Variants in ACER3 observed in about 807,000 individuals in gnomAD.
The protein encoded by ACER3 is alkaline ceramidase 3, also known as alkCDase 3.
In ACER3, 16 loss-of-function variants were observed where a neutral mutation model predicts 48.9. That is an observed-to-expected ratio of 0.33 (90% CI 0.22 to 0.50). The LOEUF is 0.50. ACER3 is among the 20% of genes least tolerant of loss of function. ACER3 has a pLI of 0.98. For synonymous variants in ACER3, 109 were observed against 107.8 expected (o/e 1.01, Z -0.07); for missense variants, 227 against 326.0 (o/e 0.70, Z 2.34).
intron 2 of ACER3, among the ~76,000 whole-genome samples, chr11:76,936,263 C>A (rs1947182396): frequency 6.6e-6 from 1 of 152,084 alleles, no homozygotes; most frequent in South Asian, 2.1e-4. Flanking sequence ...CAGAAATAGA[C>A]CCAAACCTAT....
At chr11:76,898,251 A>G (rs1163341680) in intron 1 of ACER3, among the ~76,000 whole-genome samples, 1 of 152,220 alleles carries the variant, frequency 6.6e-6, no homozygotes, top group African/African-American at 2.4e-5. Context: ...CAAAGACTCC[A>G]AAAAGGGTAC....
At chr11:76,862,904 A>G (rs777470384) in intron 1 of ACER3, among the ~76,000 whole-genome samples, 1 of 98,760 alleles carries the variant, frequency 1.0e-5, no homozygotes, top group African/African-American at 2.8e-5. Flanking sequence ...GGGTCTATGT[A>G]GGTAATAATG....
chr11:77,011,352 C>G (rs1565227481), intron 7 of ACER3: 1 of 985,322 alleles, frequency 1.0e-6, no homozygotes, highest in Non-Finnish European at 1.2e-6. Flanking sequence ...TTGAACTGCC[C>G]CTGAGAGCTG....
At chr11:76,999,846 A>G (rs570089465) in intron 7 of ACER3, among the ~76,000 whole-genome samples, 1 of 152,142 alleles carries the variant, frequency 6.6e-6, no homozygotes, top group Admixed American at 6.5e-5. Flanking sequence ...CCACAGTTTA[A>G]CCATTCATCT....
intron 2 of ACER3, among the ~76,000 whole-genome samples, chr11:76,945,585 C>A (rs2134947106): frequency 1.3e-5 from 2 of 152,216 alleles, no homozygotes; most frequent in Middle Eastern, 6.8e-3. Flanking sequence ...GTATTCATAC[C>A]CCACTGGTGG....
chr11:76,929,045 T>C (rs1056100290), intron 2 of ACER3, among the ~76,000 whole-genome samples: 1 of 152,148 alleles, frequency 6.6e-6, no homozygotes, highest in Non-Finnish European at 1.5e-5. Context: ...TATAAATTAC[T>C]TTGGGTAATA....
chr11:76,978,673 C>A, intron 4 of ACER3: 1 of 153,682 alleles, frequency 6.5e-6, no homozygotes. Flanking sequence ...CCCCAGCTTG[C>A]CACATTGCAG....
intron 4 of ACER3, among the ~76,000 whole-genome samples, chr11:76,982,713 G>A (rs1053420309): frequency 2.4e-4 from 37 of 152,212 alleles, no homozygotes; most frequent in Admixed American, 1.8e-3. Flanking sequence ...CATGAATAGT[G>A]TTTTTGTGTC....
rs2135354150 is a variant in ACER3, at chr11:77,024,247, T to G, written c.*3920T>G. The G allele has an allele frequency of 8.9e-6, 1 of 112,736 alleles. No individual in the cohort carries two copies. Among genetic ancestry groups the G allele is most frequent in the Middle Eastern group, 9.3e-3 (1 of 108 alleles). The allele number at this position is 112,736 out of a possible 1,614,324, so 7.0% of individuals were successfully genotyped here. On this transcript the variant is annotated 3_prime_UTR_variant, in exon 11 of 11. Coordinates refer to ENST00000532485, the MANE Select transcript of ACER3 (RefSeq NM_018367.7). Reference sequence around the variant, plus strand: ...TTTAACTGTTGTACTCCAGCCAGCCTGGGCAACAGAGTGAGACCCTGTCTC... The same window carrying G: ...TTTAACTGTTGTACTCCAGCCAGCCGGGGCAACAGAGTGAGACCCTGTCTC...
Position 77,022,308 on chromosome 11 carries a change from G to A in ACER3, c.*1981G>A, listed in dbSNP as rs1307316394. On this transcript the variant is annotated 3_prime_UTR_variant, in exon 11 of 11. Coordinates refer to ENST00000532485, the MANE Select transcript of ACER3 (RefSeq NM_018367.7). ...GGCCATTTAGAGCAATTTGTTTAATGAGTGGTTCAGCCATCACCACCAGTG... is the reference window on the plus strand; with the variant it reads ...GGCCATTTAGAGCAATTTGTTTAATAAGTGGTTCAGCCATCACCACCAGTG... The A allele has an allele frequency of 2.0e-5, 3 of 152,164 alleles. No individual in the cohort carries two copies. Among genetic ancestry groups the A allele is most frequent in the Non-Finnish European group, 4.4e-5 (3 of 68,036 alleles). 9.4% of individuals were successfully genotyped at this position (152,164 alleles called of 1,614,324 possible). A position where few individuals can be genotyped will look rare whatever the true frequency, so the allele number is the denominator to read the frequency against.
intron 2 of ACER3, among the ~76,000 whole-genome samples, chr11:76,950,360 T>C (rs1378696988): frequency 1.0e-4 from 1 of 9,892 alleles, no homozygotes; most frequent in Admixed American, 1.3e-3. Context: ...ATCATATATA[T>C]ATATATATAT....
chr11:77,019,513 A>G, intron 9 of ACER3: 1 of 561,808 alleles, frequency 1.8e-6, no homozygotes, highest in Non-Finnish European at 3.2e-6. Context: ...AAATGGAACA[A>G]CAAAGCCTAG....
At chr11:76,955,345 G>C (rs1409955535) in intron 2 of ACER3, 6 of 152,164 alleles carry the variant, frequency 3.9e-5, no homozygotes, top group African/African-American at 1.4e-4. Context: ...TCATAATAGT[G>C]AAAATGTAGA....
chr11:76,958,257 G>T (rs947094772), intron 2 of ACER3, among the ~76,000 whole-genome samples: 17 of 147,266 alleles, frequency 1.2e-4, no homozygotes, highest in African/African-American at 4.3e-4. Context: ...CACAGTCTCA[G>T]CTCACTGCAA....
chr11:76,959,014 CTGAAATA>C lies in ACER3; in HGVS notation c.257_263del (p.Tyr86CysfsTer9). ...GGGATCCTGGTGCTTCCACATGACT[CTGAAATA>C]TGAAATGCAGGTTAGTAATGATGAA... is the stretch of plus-strand genomic sequence containing the variant. On this transcript the variant is annotated frameshift_variant, in exon 3 of 11. Transcript: ENST00000532485. LOFTEE classifies it high-confidence loss of function. The C allele has an allele frequency of 6.2e-7, 1 of 1,613,948 alleles. No individual in the cohort carries two copies. The highest frequency in any genetic ancestry group is 8.5e-7 in the Non-Finnish European group (1 of 1,179,988).
chr11:76,901,407 G>A (rs760995705), intron 1 of ACER3, among the ~76,000 whole-genome samples: 6 of 152,184 alleles, frequency 3.9e-5, no homozygotes, highest in Non-Finnish European at 7.3e-5. Flanking sequence ...CCAGAGACTG[G>A]AAGCTGGTTT....
chr11:76,910,832 G>T (rs1946360737), intron 1 of ACER3, among the ~76,000 whole-genome samples: 1 of 152,178 alleles, frequency 6.6e-6, no homozygotes, highest in Non-Finnish European at 1.5e-5. Context: ...TAGTTTGGTT[G>T]TACTGTGTAA....
At chr11:76,932,299 A>G (rs1223498085) in intron 2 of ACER3, among the ~76,000 whole-genome samples, 1 of 152,088 alleles carries the variant, frequency 6.6e-6, no homozygotes, top group Non-Finnish European at 1.5e-5. Context: ...GTTTTAGCTC[A>G]TGGTGAGTAT....
intron 1 of ACER3, among the ~76,000 whole-genome samples, chr11:76,863,904 T>C (rs550132303): frequency 6.6e-6 from 1 of 152,344 alleles, no homozygotes; most frequent in East Asian, 1.9e-4. Flanking sequence ...CTACTATCCA[T>C]GTTACCTCTC....
Sources: gnomAD v4.1 joint callset for allele counts (sites outside exome capture counted in the v4.1 genomes callset) on GRCh38, gnomAD v4.1.1 for gene constraint, MANE v1.5 for transcripts, NCBI Gene and HGNC (gene_info 2026-07-23, HGNC 2026-07-21) for gene names.